The following ARHGAP21 variants were observed in gnomAD, a reference collection of about 807,000 sequenced individuals.
The protein encoded by ARHGAP21 is rho GTPase-activating protein 21.
ARHGAP21 carries 38 observed loss-of-function variants against 164.6 expected under a neutral mutation model. The ratio of observed to expected loss-of-function variants is 0.23; its 90% CI spans 0.18 to 0.30. The LOEUF (loss-of-function observed/expected upper bound fraction) is 0.30. Ranked by LOEUF, ARHGAP21 falls within the 10% of genes least tolerant of loss-of-function variation. The pLI, the probability that ARHGAP21 is intolerant of heterozygous loss-of-function variation, is 1.00. For synonymous variants in ARHGAP21, 766 were observed against 857.9 expected (o/e 0.89, Z 1.87); for missense variants, 1,822 against 2,370.7 (o/e 0.77, Z 4.81).
chr10:24,709,140 C>T (rs548903116), intron 2 of ARHGAP21, among the ~76,000 whole-genome samples: 1 of 152,258 alleles, frequency 6.6e-6, no homozygotes, highest in Admixed American at 6.5e-5. Context: ...CAATTATGCT[C>T]ACAAACTAGA....
intron 4 of ARHGAP21, among the ~76,000 whole-genome samples, chr10:24,660,460 G>T (rs1017738872): frequency 5.1e-5 from 7 of 137,574 alleles, no homozygotes; most frequent in Admixed American, 1.5e-4. Context: ...TCAGAAAAGA[G>T]ATCCATGTAA....
At position 24,670,346 on chromosome 10, in the gene ARHGAP21, C is replaced by G; in HGVS notation, c.115G>C (p.Glu39Gln). 6.2e-7 allele frequency: 1 copy of G among 1,608,778 alleles called. No homozygotes were observed. Among genetic ancestry groups the G allele is most frequent in the South Asian group, 1.1e-5 (1 of 90,176 alleles). The change falls in exon 3 of 26, where the codon GAA becomes CAA. Residue 39 changes from glutamate (E) to glutamine (Q), a missense_variant. Physicochemically the swap from Glu to Gln is conservative, Grantham distance 29. Around this residue, in one of 5 missense-constraint regions of ARHGAP21, gnomAD observed 1,090 missense variants for 1,378.9 expected, o/e 0.79. Transcript: ENST00000396432. ...KEQSETVSLS[E>Q]DETFSWPGPK... ...CCTGGCCAGGAGAATGTTTCATCTT[C>G]AGACAGTGATACAGTTTCACTTTGT...
intron 24 of ARHGAP21, chr10:24,590,683 AGAAGAAAAT>A: frequency 7.5e-7 from 1 of 1,326,280 alleles, no homozygotes; most frequent in Non-Finnish European, 9.6e-7. Context: ...AACAGGAAAC[AGAAGAAAAT>A]AAATGTCAAA....
At chr10:24,707,691 C>G in intron 2 of ARHGAP21, among the ~76,000 whole-genome samples, 1 of 152,318 alleles carries the variant, frequency 6.6e-6, no homozygotes, top group East Asian at 1.9e-4. Context: ...CCAGAGTCAT[C>G]TTAGACTCCT....
intron 4 of ARHGAP21, among the ~76,000 whole-genome samples, chr10:24,636,289 C>T (rs1310981191): frequency 6.6e-6 from 1 of 152,162 alleles, no homozygotes; most frequent in Admixed American, 6.5e-5. Flanking sequence ...GAAGGAGGTA[C>T]ACGGTAGTTC....
At chr10:24,652,622 TTAA>T (rs1390402087) in intron 4 of ARHGAP21, among the ~76,000 whole-genome samples, 3 of 152,092 alleles carry the variant, frequency 2.0e-5, no homozygotes, top group Non-Finnish European at 2.9e-5. Context: ...TGCCTACAAG[TTAA>T]TAATAAAAAA....
chr10:24,685,860 A>C (rs1317967088), intron 2 of ARHGAP21, among the ~76,000 whole-genome samples: 1 of 152,126 alleles, frequency 6.6e-6, no homozygotes, highest in Non-Finnish European at 1.5e-5. Context: ...TAGTTAACCC[A>C]CTCACTAACA....
At chr10:24,689,007 G>A (rs1020434023) in intron 2 of ARHGAP21, among the ~76,000 whole-genome samples, 13 of 152,060 alleles carry the variant, frequency 8.5e-5, no homozygotes, top group Admixed American at 4.6e-4. Context: ...AGGCAAGGGC[G>A]TTTGTACAGA....
intron 21 of ARHGAP21, among the ~76,000 whole-genome samples, chr10:24,593,207 A>T (rs1436865854): frequency 6.6e-6 from 1 of 152,242 alleles, no homozygotes; most frequent in African/African-American, 2.4e-5. Context: ...GTGCAGAGGA[A>T]GAAGAAGAAA....
At chr10:24,696,528 G>C (rs1042581720) in intron 2 of ARHGAP21, among the ~76,000 whole-genome samples, 2 of 152,148 alleles carry the variant, frequency 1.3e-5, no homozygotes, top group African/African-American at 4.8e-5. Flanking sequence ...GGGGCAGAGT[G>C]GTTCTGAGAA....
At chr10:24,676,147 CA>C (rs1223058729) in intron 2 of ARHGAP21, among the ~76,000 whole-genome samples, 1 of 152,086 alleles carries the variant, frequency 6.6e-6, no homozygotes, top group South Asian at 2.1e-4. Context: ...GACTCCGTGT[CA>C]GGGGGAAAAA....
At chr10:24,639,308 G>C (rs543139050) in intron 4 of ARHGAP21, among the ~76,000 whole-genome samples, 2 of 152,228 alleles carry the variant, frequency 1.3e-5, no homozygotes, top group East Asian at 3.9e-4. Flanking sequence ...AGTGATTTTA[G>C]ATGAATGATT....
At chr10:24,663,193 T>G (rs947267066) in intron 4 of ARHGAP21, among the ~76,000 whole-genome samples, 3 of 152,166 alleles carry the variant, frequency 2.0e-5, no homozygotes, top group Non-Finnish European at 4.4e-5. Context: ...AGTTATTATA[T>G]TGACTCTATA....
chr10:24,663,582 G>A (rs529506334), intron 4 of ARHGAP21, among the ~76,000 whole-genome samples: 3 of 152,206 alleles, frequency 2.0e-5, no homozygotes, highest in Admixed American at 6.5e-5. Context: ...ATGTTGGAGT[G>A]CAGTGGTGCA....
chr10:24,626,941 A>T (rs1053391382), intron 7 of ARHGAP21, among the ~76,000 whole-genome samples: 2 of 152,224 alleles, frequency 1.3e-5, no homozygotes, highest in East Asian at 1.9e-4. Flanking sequence ...GCACTAGTTT[A>T]AAAACATAAA....
chr10:24,589,116 C>A (rs909928457), intron 25 of ARHGAP21, among the ~76,000 whole-genome samples, 155 bp downstream of exon 25: 1 of 151,982 alleles, frequency 6.6e-6, no homozygotes, highest in Non-Finnish European at 1.5e-5. Flanking sequence ...TAGTATTCTT[C>A]TTATCATATA....
Position 24,585,057 on chromosome 10 carries a change from C to A in ARHGAP21, c.5232G>T (p.Gly1744=). ...CGCCTCTGGTGGGTGTCAGTAAACT[C>A]CCAGTTGACTTTCCTTTTTTCATAA... The part of the protein sequence containing the change: ...FDVMKKGKST[G]SLLTPTRGES... Residue 1744 remains glycine (G), a synonymous_variant, in exon 26 of 26, where the codon GGG becomes GGT. Transcript: ENST00000396432. 2.5e-6 allele frequency: 4 copies of A among 1,613,808 alleles called. No individual in the cohort carries two copies. Among genetic ancestry groups the A allele is most frequent in the Non-Finnish European group, 3.4e-6 (4 of 1,179,854 alleles).
intron 2 of ARHGAP21, among the ~76,000 whole-genome samples, chr10:24,685,516 A>G (rs957581442): frequency 2.6e-5 from 4 of 152,196 alleles, no homozygotes; most frequent in African/African-American, 9.6e-5. Context: ...AGTCATAAAG[A>G]TACAATGAGA....
intron 9 of ARHGAP21, among the ~76,000 whole-genome samples, chr10:24,616,075 G>C (rs1833921250): frequency 6.6e-6 from 1 of 152,120 alleles, no homozygotes; most frequent in African/African-American, 2.4e-5. Context: ...ACTGCACCCG[G>C]ACTATTTTAT....
Sources: allele counts gnomAD v4.1 joint callset (sites outside exome capture counted in the v4.1 genomes callset), GRCh38; gene constraint gnomAD v4.1.1; regional missense constraint gnomAD v4.1.1; transcripts MANE v1.5; gene names NCBI Gene and HGNC (gene_info 2026-07-23, HGNC 2026-07-21).